Variants in ARMC2 observed in about 807,000 individuals in gnomAD.
The protein encoded by ARMC2 is armadillo repeat containing 2, also known as armadillo repeat-containing protein 2.
Under a neutral mutation model 90.3 loss-of-function variants are expected in ARMC2, and 67 were observed. The ratio of observed to expected loss-of-function variants is 0.74; its 90% confidence interval spans 0.61 to 0.91. The LOEUF (loss-of-function observed/expected upper bound fraction) is 0.91. Among genes scored for constraint, ARMC2 ranks in the 40% least tolerant of loss-of-function variants. ARMC2 has a pLI of 0.00. For synonymous variants in ARMC2, 393 were observed against 393.0 expected (o/e 1.00, Z 0.00); for missense variants, 920 against 1,030.9 (o/e 0.89, Z 1.47).
the ARMC2 span, among the ~76,000 whole-genome samples, chr6:109,008,323 C>T: frequency 6.6e-6 from 1 of 152,166 alleles, no homozygotes; most frequent in South Asian, 2.1e-4. Flanking sequence ...TAATTCAATA[C>T]TTTCATACTG....
intron 2 of ARMC2, among the ~76,000 whole-genome samples, chr6:108,857,916 G>A (rs1273385016): frequency 6.6e-6 from 1 of 152,166 alleles, no homozygotes; most frequent in Non-Finnish European, 1.5e-5. Flanking sequence ...GTTACTAGCA[G>A]TTGTCCCATA....
intron 5 of ARMC2, among the ~76,000 whole-genome samples, chr6:108,879,089 C>G (rs72933320): frequency 0.013 from 1,960 of 151,924 alleles, 18 homozygotes; most frequent in Admixed American, 0.033. Context: ...ACCTACCCAC[C>G]CATCTGTCAT....
At chr6:108,976,637 G>A (rs1778988215), downstream of ARMC2, among the ~76,000 whole-genome samples, 2 of 152,200 alleles carry the variant, frequency 1.3e-5, no homozygotes, top group Non-Finnish European at 1.5e-5. Context: ...CTATCCATGA[G>A]CATGGAATGT....
At chr6:108,926,138 C>G (rs1375627370) in intron 10 of ARMC2, among the ~76,000 whole-genome samples, 1 of 152,118 alleles carries the variant, frequency 6.6e-6, no homozygotes, top group Non-Finnish European at 1.5e-5. Context: ...ATTGGGATGT[C>G]CCATCTTTGA....
the ARMC2 span, among the ~76,000 whole-genome samples, chr6:108,983,211 C>T: frequency 3.9e-5 from 6 of 152,190 alleles, no homozygotes; most frequent in African/African-American, 1.4e-4. Context: ...TAAATATTTT[C>T]TCCTATCCCA....
intron 5 of ARMC2, among the ~76,000 whole-genome samples, chr6:108,892,576 A>G (rs575425999): frequency 1.3e-5 from 2 of 152,098 alleles, no homozygotes; most frequent in South Asian, 4.1e-4. Flanking sequence ...CCTGACCAAC[A>G]TGGAGAAACC....
At chr6:109,001,149 GA>G in the ARMC2 span, 1 of 747,008 alleles carries the variant, frequency 1.3e-6, no homozygotes, top group Non-Finnish European at 2.1e-6. Context: ...TTAAAAATAG[GA>G]AAAACAGAGA....
At chr6:109,009,472 G>A in the ARMC2 span, 4 of 1,252,930 alleles carry the variant, frequency 3.2e-6, no homozygotes, top group Non-Finnish European at 4.0e-6. Context: ...TCGGCGCGGG[G>A]ACGGCTGCGG....
intron 10 of ARMC2, among the ~76,000 whole-genome samples, chr6:108,920,559 A>G (rs183237772): frequency 3.2e-4 from 49 of 152,126 alleles, no homozygotes; most frequent in Admixed American, 9.8e-4. Context: ...TTCTCCTCCA[A>G]TTTTCCAGGG....
chr6:109,039,603 AG>A, the ARMC2 span, among the ~76,000 whole-genome samples: 1 of 152,220 alleles, frequency 6.6e-6, no homozygotes, highest in African/African-American at 2.4e-5. Flanking sequence ...TCTCAAGTGG[AG>A]GGGTCATAGT....
intron 12 of ARMC2, among the ~76,000 whole-genome samples, chr6:108,946,358 A>G (rs1417755264): frequency 6.6e-6 from 1 of 152,196 alleles, no homozygotes; most frequent in East Asian, 1.9e-4. Context: ...ATGATTTTCT[A>G]CTTAGATTCT....
the ARMC2 span, among the ~76,000 whole-genome samples, chr6:108,991,073 AAAC>A: frequency 2.0e-5 from 3 of 149,956 alleles, no homozygotes; most frequent in Non-Finnish European, 3.0e-5. Context: ...TCTCAAAAAA[AAAC>A]AACAACAAAA....
At chr6:109,045,666 C>T in the ARMC2 span, among the ~76,000 whole-genome samples, 3 of 152,170 alleles carry the variant, frequency 2.0e-5, no homozygotes, top group African/African-American at 7.2e-5. Flanking sequence ...TCTTCTACAG[C>T]GCTTACCCTG....
In ARMC2 at chr6:108,910,192, G is replaced by T. The variant is rs146698948; in HGVS notation, c.1024-707G>T. On this transcript the variant is annotated intron_variant, in intron 8 of 17. Transcript: ENST00000392644. ...ATATAAATATGAGACTTGGCTGGGC[G>T]TGGTGGCTCACACTTGTAATCTCAA... 4.0e-3 allele frequency among the ~76,000 whole-genome samples: 609 copies of T among 152,248 alleles called. 9 individuals carry two copies. Among genetic ancestry groups the T allele is most frequent in the African/African-American group, 0.014 (591 of 41,532 alleles).
chr6:109,040,749 T>A, the ARMC2 span, among the ~76,000 whole-genome samples: 1 of 150,716 alleles, frequency 6.6e-6, no homozygotes, highest in African/African-American at 2.4e-5. Flanking sequence ...GCCTCCTGGG[T>A]TCAAGCGATT....
chr6:108,927,586 C>A (rs998681215), intron 10 of ARMC2, among the ~76,000 whole-genome samples: 2 of 151,406 alleles, frequency 1.3e-5, no homozygotes, highest in Non-Finnish European at 2.9e-5. Context: ...TTTGTGAGAT[C>A]TTAATACTTG....
chr6:108,925,923 G>GA (rs992311840), intron 10 of ARMC2, among the ~76,000 whole-genome samples: 1 of 152,104 alleles, frequency 6.6e-6, no homozygotes, highest in Non-Finnish European at 1.5e-5. Flanking sequence ...CTCCTGACTT[G>GA]GGTTATTTAT....
At chr6:108,865,721 C>T (rs1171607451) in intron 3 of ARMC2, among the ~76,000 whole-genome samples, 1 of 152,110 alleles carries the variant, frequency 6.6e-6, no homozygotes, top group Non-Finnish European at 1.5e-5. Context: ...TATTTTCACT[C>T]TTTATAAAAT....
intron 8 of ARMC2, among the ~76,000 whole-genome samples, chr6:108,906,284 C>T (rs769134642): frequency 3.9e-5 from 6 of 151,966 alleles, no homozygotes; most frequent in Non-Finnish European, 8.8e-5. Flanking sequence ...ATCTAGCGCC[C>T]TATGTACAGG....
Sources: gnomAD v4.1 joint callset for allele counts (sites outside exome capture counted in the v4.1 genomes callset) on GRCh38, gnomAD v4.1.1 for gene constraint, MANE v1.5 for transcripts, NCBI Gene and HGNC (gene_info 2026-07-23, HGNC 2026-07-21) for gene names.